Variants in PITPNA observed in about 807,000 individuals in gnomAD.
PITPNA encodes the protein phosphatidylinositol transfer protein alpha isoform.
In PITPNA, 13 loss-of-function variants were observed where a neutral mutation model predicts 50.3. That is an observed-to-expected ratio of 0.26 (90% CI 0.17 to 0.41). PITPNA has a LOEUF of 0.41. Among genes scored for constraint, PITPNA ranks in the 10% least tolerant of loss-of-function variants. PITPNA has a pLI of 1.00. For synonymous variants in PITPNA, 120 were observed against 119.6 expected (o/e 1.00, Z -0.02); for missense variants, 207 against 333.4 (o/e 0.62, Z 2.95).
intron 1 of PITPNA, among the ~76,000 whole-genome samples, chr17:1,559,058 G>GCC (rs1271835499): frequency 1.3e-5 from 2 of 152,042 alleles, no homozygotes; most frequent in African/African-American, 4.8e-5. Context: ...CAAACAAGAG[G>GCC]CCCTGGGGAC....
intron 10 of PITPNA, among the ~76,000 whole-genome samples, chr17:1,530,196 C>G (rs926819354): frequency 1.3e-5 from 2 of 152,054 alleles, no homozygotes; most frequent in African/African-American, 4.8e-5. Context: ...CCATTACAGG[C>G]AGTAATCAAG....
intron 10 of PITPNA, among the ~76,000 whole-genome samples, chr17:1,527,081 C>A (rs1278894090): frequency 6.6e-6 from 1 of 151,440 alleles, no homozygotes; most frequent in Non-Finnish European, 1.5e-5. Context: ...TTACAATGAT[C>A]TAAGAATGCT....
At chr17:1,526,647 G>A (rs2075549993) in intron 10 of PITPNA, among the ~76,000 whole-genome samples, 1 of 152,190 alleles carries the variant, frequency 6.6e-6, no homozygotes, top group African/African-American at 2.4e-5. Context: ...GCAAAGCCAG[G>A]TCCTGTTTTC....
chr17:1,528,813 CA>C (rs1289157143), intron 10 of PITPNA, among the ~76,000 whole-genome samples: 2 of 151,794 alleles, frequency 1.3e-5, no homozygotes, highest in African/African-American at 4.8e-5. Context: ...AGATGGTCTG[CA>C]ATCACTGCCA....
chr17:1,557,102 C>T (rs2075738742), intron 2 of PITPNA, among the ~76,000 whole-genome samples: 1 of 152,200 alleles, frequency 6.6e-6, no homozygotes, highest in African/African-American at 2.4e-5. Flanking sequence ...GCCATTCCCT[C>T]ATTCTCCCTG....
At chr17:1,549,876 T>C (rs760922393) in intron 3 of PITPNA, among the ~76,000 whole-genome samples, 21 of 152,064 alleles carry the variant, frequency 1.4e-4, no homozygotes, top group Non-Finnish European at 2.8e-4. Context: ...GGTTTTGTCA[T>C]GTAGGCCAGG....
chr17:1,532,946 C>T (rs564684539), intron 10 of PITPNA, among the ~76,000 whole-genome samples: 2 of 152,372 alleles, frequency 1.3e-5, no homozygotes, highest in Non-Finnish European at 2.9e-5. Context: ...CAGTTCCCTG[C>T]GGGGTTCCAG....
At chr17:1,547,809 C>G (rs1400255635) in intron 4 of PITPNA, among the ~76,000 whole-genome samples, 1 of 152,100 alleles carries the variant, frequency 6.6e-6, no homozygotes, top group Non-Finnish European at 1.5e-5. Flanking sequence ...GCCTGGGCAA[C>G]ATGGTGAAAC....
intron 10 of PITPNA, among the ~76,000 whole-genome samples, chr17:1,527,267 A>G (rs2075553274): frequency 1.3e-5 from 2 of 152,028 alleles, no homozygotes. Context: ...GTTTTGAGAT[A>G]GAGTTTCGCT....
In PITPNA at chr17:1,520,176, C is replaced by G. The variant is rs2075501177; in HGVS notation, c.*385G>C. ...TACCCCAAGGTTGAGAACAAATGAA[C>G]TTAAATCATTTAAATCACCACATCA... On this transcript the variant is annotated 3_prime_UTR_variant, in exon 12 of 12. Coordinates refer to ENST00000313486, the MANE Select transcript of PITPNA (RefSeq NM_006224.4). 1 of 152,214 alleles carries G rather than the reference C, an allele frequency of 6.6e-6. No homozygotes were observed. The highest frequency in any genetic ancestry group is 2.1e-4 in the South Asian group (1 of 4,836). 9.4% of individuals were successfully genotyped at this position (152,214 alleles called of 1,614,324 possible). A position where few individuals can be genotyped will look rare whatever the true frequency, so the allele number is the denominator to read the frequency against.
intron 10 of PITPNA, among the ~76,000 whole-genome samples, chr17:1,531,168 C>A (rs542780821): frequency 1.3e-5 from 2 of 152,080 alleles, no homozygotes; most frequent in Non-Finnish European, 2.9e-5. Context: ...AAAGTTAAAG[C>A]GAATCAATGG....
chr17:1,550,562 C>CT (rs2075702926), intron 3 of PITPNA, among the ~76,000 whole-genome samples: 1 of 151,924 alleles, frequency 6.6e-6, no homozygotes, highest in Non-Finnish European at 1.5e-5. Flanking sequence ...GGGTCTCACT[C>CT]TGTGGCCCAG....
chr17:1,530,184 C>T (rs374854400), intron 10 of PITPNA, among the ~76,000 whole-genome samples: 2 of 152,062 alleles, frequency 1.3e-5, no homozygotes, highest in African/African-American at 4.8e-5. Context: ...ACAGTGAGTT[C>T]CCCATTACAG....
intron 6 of PITPNA, among the ~76,000 whole-genome samples, chr17:1,540,933 C>T (rs1261498096): frequency 6.6e-6 from 1 of 152,140 alleles, no homozygotes; most frequent in Non-Finnish European, 1.5e-5. Flanking sequence ...GGGTGTCACT[C>T]TGTTGCCCAG....
At chr17:1,544,898 CAGG>C (rs1335826040) in intron 4 of PITPNA, among the ~76,000 whole-genome samples, 8 of 152,164 alleles carry the variant, frequency 5.3e-5, no homozygotes, top group Non-Finnish European at 1.0e-4. Flanking sequence ...GAGGCTGAGG[CAGG>C]AGAATTGCTT....
chr17:1,542,502 C>T (rs571306762), intron 5 of PITPNA, among the ~76,000 whole-genome samples: 141 of 152,310 alleles, frequency 9.3e-4, no homozygotes, highest in Non-Finnish European at 1.6e-3. Context: ...CACCCATTAA[C>T]GCCTCAGCAG....
rs184696305 is a variant in PITPNA, at chr17:1,519,563, T to C, written c.*998A>G. The C allele has an allele frequency of 2.2e-4, 33 of 152,764 alleles. No individual in the cohort carries two copies. Among genetic ancestry groups the C allele is most frequent in the Admixed American group, 2.2e-3 (33 of 15,290 alleles). The allele number at this position is 152,764 out of a possible 1,614,324, so 9.5% of individuals were successfully genotyped here. On this transcript the variant is annotated 3_prime_UTR_variant, in exon 12 of 12. Coordinates refer to ENST00000313486, the MANE Select transcript of PITPNA (RefSeq NM_006224.4). ...GTTCTGCTGGAAAAAGCTTTTTGCA[T>C]GCTCATATTGTGCAGCATGAAAGAT...
intron 9 of PITPNA, 91 bp from the exon 10 acceptor site, chr17:1,534,312 C>T: frequency 6.6e-7 from 1 of 1,518,992 alleles, no homozygotes; most frequent in South Asian, 1.1e-5. Context: ...AATACCCACA[C>T]TAGACTGGGG....
chr17:1,543,156 G>A (rs899493786), intron 4 of PITPNA, 129 bp from the exon 5 acceptor site: 13 of 661,390 alleles, frequency 2.0e-5, no homozygotes, highest in East Asian at 3.0e-5. Context: ...CTTATTCCAC[G>A]GTCACCTCCA....
Sources: gnomAD v4.1 joint callset for allele counts (sites outside exome capture counted in the v4.1 genomes callset) on GRCh38, gnomAD v4.1.1 for gene constraint, MANE v1.5 for transcripts, NCBI Gene and HGNC (gene_info 2026-07-23, HGNC 2026-07-21) for gene names.